RPS6KC1: variants seen among roughly 807,000 people sequenced by gnomAD.
The protein encoded by RPS6KC1 is ribosomal protein S6 kinase C1.
Under a neutral mutation model 103.8 loss-of-function variants are expected in RPS6KC1, and 54 were observed. That is an observed-to-expected ratio of 0.52 (90% CI 0.42 to 0.65). The LOEUF (loss-of-function observed/expected upper bound fraction) is 0.65, where lower values mean the gene tolerates loss of function less well. Ranked by LOEUF, RPS6KC1 falls within the 30% of genes least tolerant of loss-of-function variation. The probability of loss-of-function intolerance (pLI) is 0.00; values close to 1 mark genes in which losing one functional copy is unlikely to be tolerated. For synonymous variants in RPS6KC1, 439 were observed against 438.7 expected (o/e 1.00, Z -0.01); for missense variants, 1,151 against 1,253.8 (o/e 0.92, Z 1.24).
the RPS6KC1 span, among the ~76,000 whole-genome samples, chr1:213,541,959 T>C: frequency 1.3e-5 from 2 of 152,118 alleles, no homozygotes; most frequent in African/African-American, 2.4e-5. Flanking sequence ...CTAGAGTAGG[T>C]TGTGTTCTTG....
At chr1:213,671,612 C>T in the RPS6KC1 span, among the ~76,000 whole-genome samples, 1 of 152,122 alleles carries the variant, frequency 6.6e-6, no homozygotes, top group Non-Finnish European at 1.5e-5. Context: ...GGCGAAATGC[C>T]ATCTCTACTA....
At chr1:213,634,151 T>C in the RPS6KC1 span, among the ~76,000 whole-genome samples, 17 of 152,052 alleles carry the variant, frequency 1.1e-4, no homozygotes, top group Admixed American at 1.1e-3. Context: ...CACCCCACTG[T>C]CAATATTAGA....
the RPS6KC1 span, among the ~76,000 whole-genome samples, chr1:213,299,438 G>A: frequency 6.6e-6 from 1 of 151,442 alleles, no homozygotes; most frequent in Non-Finnish European, 1.5e-5. Flanking sequence ...TGTAATCCCA[G>A]CTACTTGGGA....
At chr1:213,709,382 G>A in the RPS6KC1 span, among the ~76,000 whole-genome samples, 1 of 152,146 alleles carries the variant, frequency 6.6e-6, no homozygotes, top group South Asian at 2.1e-4. Flanking sequence ...TATTCTGTGG[G>A]ATCAATGGTG....
the RPS6KC1 span, among the ~76,000 whole-genome samples, chr1:213,414,324 G>C: frequency 6.6e-6 from 1 of 152,188 alleles, no homozygotes; most frequent in East Asian, 1.9e-4. Flanking sequence ...GGCTGCACAT[G>C]TGACCTTATT....
At chr1:213,253,736 A>G (rs1487047740) in intron 12 of RPS6KC1, among the ~76,000 whole-genome samples, 1 of 152,156 alleles carries the variant, frequency 6.6e-6, no homozygotes, top group Non-Finnish European at 1.5e-5. Flanking sequence ...AGTCTCTCCA[A>G]TGTCTTTCAG....
At chr1:213,556,768 A>C in the RPS6KC1 span, among the ~76,000 whole-genome samples, 1 of 152,332 alleles carries the variant, frequency 6.6e-6, no homozygotes, top group Admixed American at 6.5e-5. Flanking sequence ...ATGGTAGAGA[A>C]TGTGCTGAGG....
the RPS6KC1 span, among the ~76,000 whole-genome samples, chr1:213,321,974 A>G: frequency 6.6e-6 from 1 of 152,158 alleles, no homozygotes; most frequent in African/African-American, 2.4e-5. Flanking sequence ...CCAGAGTGGA[A>G]TGAGTGAGAG....
chr1:213,410,954 G>A, the RPS6KC1 span, among the ~76,000 whole-genome samples: 3,443 of 152,186 alleles, frequency 0.023, 50 homozygotes, highest in Middle Eastern at 0.034. Context: ...TCGATGGAAT[G>A]GAGATGGTCA....
chr1:213,240,194 A>G (rs1188054352), intron 10 of RPS6KC1, among the ~76,000 whole-genome samples: 1 of 152,174 alleles, frequency 6.6e-6, no homozygotes, highest in Non-Finnish European at 1.5e-5. Context: ...TATATACCAC[A>G]TGCCAAATTC....
chr1:213,174,143 A>G (rs2091685312), intron 7 of RPS6KC1, among the ~76,000 whole-genome samples: 1 of 152,162 alleles, frequency 6.6e-6, no homozygotes, highest in South Asian at 2.1e-4. Flanking sequence ...GCAGCAGAAA[A>G]GAATTTTTAA....
the RPS6KC1 span, among the ~76,000 whole-genome samples, chr1:213,314,440 T>C: frequency 6.6e-6 from 1 of 152,190 alleles, no homozygotes; most frequent in Admixed American, 6.5e-5. Context: ...TAGGTAGCAT[T>C]TCCTAACACC....
intron 6 of RPS6KC1, among the ~76,000 whole-genome samples, chr1:213,165,451 A>T (rs6693291): frequency 0.73 from 109,192 of 149,778 alleles, 40,103 homozygotes; most frequent in African/African-American, 0.85. Context: ...TGAGATGGAG[A>T]CTTGCACTGT....
chr1:213,192,339 A>G (rs1324174022), intron 8 of RPS6KC1, among the ~76,000 whole-genome samples: 1 of 151,956 alleles, frequency 6.6e-6, no homozygotes, highest in Non-Finnish European at 1.5e-5. Context: ...ATGTTGTTCT[A>G]TGGTTTTCTT....
chr1:213,506,881 G>A, the RPS6KC1 span, among the ~76,000 whole-genome samples: 2 of 152,294 alleles, frequency 1.3e-5, no homozygotes, highest in East Asian at 3.9e-4. Context: ...CTGGCTTGGT[G>A]CCTGAGTGCT....
chr1:213,127,784 A>G (rs2085146189), intron 5 of RPS6KC1, among the ~76,000 whole-genome samples: 1 of 152,200 alleles, frequency 6.6e-6, no homozygotes, highest in Admixed American at 6.5e-5. Flanking sequence ...TGAGATTGGT[A>G]GATAATGAAA....
chr1:213,694,856 G>A, the RPS6KC1 span, among the ~76,000 whole-genome samples: 2 of 152,180 alleles, frequency 1.3e-5, no homozygotes, highest in Non-Finnish European at 2.9e-5. Context: ...AACATCTACT[G>A]CATTTCAGGT....
the RPS6KC1 span, among the ~76,000 whole-genome samples, chr1:213,754,280 C>T: frequency 2.0e-5 from 3 of 152,234 alleles, no homozygotes; most frequent in Admixed American, 6.5e-5. Flanking sequence ...AGCAATCTCA[C>T]TCTTCTTCTT....
intron 3 of RPS6KC1, among the ~76,000 whole-genome samples, chr1:213,085,170 C>T (rs562162796): frequency 3.3e-5 from 5 of 152,184 alleles, no homozygotes; most frequent in African/African-American, 7.2e-5. Context: ...TTCAGCTTTT[C>T]GTAGCTGCCT....
Sources: gnomAD v4.1 joint callset for allele counts (sites outside exome capture counted in the v4.1 genomes callset) on GRCh38, gnomAD v4.1.1 for gene constraint, MANE v1.5 for transcripts, NCBI Gene and HGNC (gene_info 2026-07-23, HGNC 2026-07-21) for gene names.